Variants in CTBP2 observed in about 807,000 individuals in gnomAD.
The protein encoded by CTBP2 is C-terminal binding protein 2, also known as C-terminal-binding protein 2.
A neutral mutation model predicts 80.3 loss-of-function variants in CTBP2; 30 were observed. The observed-to-expected ratio is 0.37, with a 90% CI of 0.28 to 0.51. The LOEUF is 0.51. Among genes scored for constraint, CTBP2 ranks in the 20% least tolerant of loss-of-function variants. CTBP2 has a pLI of 0.93. For missense variants in CTBP2, 1,212 were observed against 1,375.3 expected (o/e 0.88, Z 1.88); for synonymous variants, 594 against 587.4 (o/e 1.01, Z -0.16).
upstream of CTBP2, chr10:125,160,655 C>T (rs1861793725): frequency 1.0e-5 from 1 of 97,230 alleles, no homozygotes; most frequent in Non-Finnish European, 2.1e-5. Context: ...CCTTCCCTTC[C>T]ACCTCCTCCC....
intron 2 of CTBP2, among the ~76,000 whole-genome samples, chr10:125,080,421 CTCCTCTGCCCCTGGTCACTG>C (rs763316799): frequency 6.6e-5 from 10 of 152,336 alleles, no homozygotes; most frequent in Non-Finnish European, 1.2e-4. Context: ...AGAGTGCACT[CTCCTCTGCCCCTGGTCACTG>C]TCCTCTGGCC....
chr10:125,098,690 GAGAGAGAGAGAGAGAGAC>G (rs1564913905), intron 2 of CTBP2, among the ~76,000 whole-genome samples: 5 of 131,016 alleles, frequency 3.8e-5, no homozygotes, highest in African/African-American at 1.2e-4. Flanking sequence ...GAGAGAGAGA[GAGAGAGAGAGAGAGAGAC>G]AGAGAGAGAG....
intron 2 of CTBP2, among the ~76,000 whole-genome samples, chr10:125,103,968 G>A (rs533863940): frequency 1.3e-5 from 2 of 152,228 alleles, no homozygotes; most frequent in African/African-American, 4.8e-5. Context: ...CCCTACCCAC[G>A]ACAACAAAGG....
rs147632869 is a variant in CTBP2, at chr10:125,096,032, G to A, written c.-102+14958C>T. On this transcript the variant is annotated intron_variant, in intron 2 of 10. Coordinates refer to the CTBP2 transcript ENST00000337195. ...CCCAAAGGCAAACCAGGAAGGGAGC[G>A]CAGGGAGTGGGGGCTCATCTCCTTT... Among the ~76,000 whole-genome samples the A allele has an allele frequency of 4.6e-3, 707 of 152,266 alleles. 1 individual carries two copies. The highest frequency in any genetic ancestry group is 0.015 in the African/African-American group (614 of 41,542).
intron 1 of CTBP2, chr10:125,026,029 C>A: frequency 3.9e-6 from 6 of 1,519,490 alleles, no homozygotes; most frequent in Non-Finnish European, 4.4e-6. Flanking sequence ...CAACCCCGCA[C>A]CCCCCTGCTC....
intron 1 of CTBP2, among the ~76,000 whole-genome samples, chr10:125,139,515 T>C (rs7090538): frequency 0.43 from 64,941 of 151,920 alleles, 14,578 homozygotes; most frequent in African/African-American, 0.55. Flanking sequence ...TGCACACCCC[T>C]AAAAGACTGT....
intron 8 of CTBP2, among the ~76,000 whole-genome samples, 181 bp downstream of exon 10, chr10:124,992,514 C>T (rs1010218791): frequency 2.0e-5 from 3 of 152,132 alleles, no homozygotes; most frequent in Non-Finnish European, 4.4e-5. Flanking sequence ...CTGTTTGTTC[C>T]ATGAAATTAG....
intron 2 of CTBP2, among the ~76,000 whole-genome samples, chr10:125,106,371 C>T (rs966601818): frequency 1.3e-5 from 2 of 152,182 alleles, no homozygotes; most frequent in Admixed American, 6.5e-5. Context: ...GGCTCACTAC[C>T]ACAGTGTTTC....
intron 2 of CTBP2, among the ~76,000 whole-genome samples, chr10:125,059,000 GA>G (rs1362557724): frequency 6.6e-6 from 1 of 152,174 alleles, no homozygotes; most frequent in Non-Finnish European, 1.5e-5. Flanking sequence ...AGGTGACGAG[GA>G]CCTTCAGGAG....
intron 1 of CTBP2, among the ~76,000 whole-genome samples, chr10:125,153,663 T>A (rs1860414090): frequency 6.6e-6 from 1 of 152,190 alleles, no homozygotes; most frequent in Non-Finnish European, 1.5e-5. Flanking sequence ...TCTGGCCACT[T>A]ACACCATAAA....
At position 125,026,674 on chromosome 10, in the gene CTBP2, G is replaced by A. The variant is rs576354289; in HGVS notation, c.1086C>T (p.Gly362=). 1.2e-6 allele frequency: 2 copies of A among 1,606,420 alleles called. No homozygotes were observed. The highest frequency in any genetic ancestry group is 2.7e-5 in the African/African-American group (2 of 74,856). Reference sequence around the variant, plus strand: ...TGCTGGACCGCGCCCGGGGCAGCGGGCCCCCCCGGTCCTGCCTCCGCAGCT... The same window carrying A: ...TGCTGGACCGCGCCCGGGGCAGCGGACCCCCCCGGTCCTGCCTCCGCAGCT... Residue 362 remains glycine (G), a synonymous_variant, in exon 1 of 9, where the codon GGC becomes GGT. Transcript: ENST00000309035.
intron 2 of CTBP2, among the ~76,000 whole-genome samples, chr10:125,075,843 T>C (rs574801748): frequency 1.3e-5 from 2 of 152,252 alleles, no homozygotes; most frequent in African/African-American, 2.4e-5. Context: ...GGAGTGGAAA[T>C]CGGTACAACT....
chr10:125,097,767 T>C (rs956711946), intron 2 of CTBP2, among the ~76,000 whole-genome samples: 3 of 152,030 alleles, frequency 2.0e-5, no homozygotes, highest in African/African-American at 4.8e-5. Context: ...TGACAGGCCC[T>C]CTGTAGTTCC....
rs577450064 is a variant in CTBP2 at position 125,004,763 on chromosome 10, C to T, written c.1679-1271G>A. Among the ~76,000 whole-genome samples the T allele has an allele frequency of 2.0e-5, 3 of 152,268 alleles. No homozygotes were observed. The South Asian group carries it at 6.2e-4, about 32-fold the overall frequency. On this transcript the variant is annotated intron_variant, in intron 1 of 8. Transcript: ENST00000309035. The stretch of plus-strand genomic sequence containing the variant: ...TCCAGGCCATTGCTCCAGGCTGAGC[C>T]CAGCCTGGTGACCCACCATGGGTAA...
intron 2 of CTBP2, among the ~76,000 whole-genome samples, chr10:125,084,568 C>A (rs964201727): frequency 6.6e-5 from 10 of 152,116 alleles, no homozygotes; most frequent in Admixed American, 3.3e-4. Flanking sequence ...GCCACCTCCC[C>A]AGCCCTGAGG....
intron 1 of CTBP2, among the ~76,000 whole-genome samples, chr10:125,024,683 A>G (rs114402039): frequency 0.01 from 1,556 of 152,332 alleles, 25 homozygotes; most frequent in African/African-American, 0.035. Context: ...CCGCTTTGCA[A>G]GCCCGGCCAT....
intron 2 of CTBP2, among the ~76,000 whole-genome samples, chr10:125,098,660 GAGAGAGAGAGAGAGAGA>G (rs1849971639): frequency 1.1e-4 from 2 of 18,862 alleles, no homozygotes; most frequent in African/African-American, 1.7e-4. Context: ...GGGAGGGGGA[GAGAGAGAGAGAGAGAGA>G]GAGAGAGAGA....
At chr10:125,081,235 G>C (rs191323602) in intron 2 of CTBP2, among the ~76,000 whole-genome samples, 2 of 152,128 alleles carry the variant, frequency 1.3e-5, no homozygotes, top group South Asian at 4.1e-4. Flanking sequence ...GTACAAAGGA[G>C]GACAAGAAAC....
intron 2 of CTBP2, among the ~76,000 whole-genome samples, chr10:125,104,469 C>T (rs1218590330): frequency 6.6e-6 from 1 of 152,164 alleles, no homozygotes; most frequent in African/African-American, 2.4e-5. Flanking sequence ...GATTTGTTTG[C>T]TCCGCGTGCC....
Sources: allele counts gnomAD v4.1 joint callset (sites outside exome capture counted in the v4.1 genomes callset), GRCh38; gene constraint gnomAD v4.1.1; transcripts MANE v1.5; gene names NCBI Gene and HGNC (gene_info 2026-07-23, HGNC 2026-07-21).